The following LONRF3 variants were observed in gnomAD, a reference collection of about 807,000 sequenced individuals.
LONRF3 encodes LON peptidase N-terminal domain and RING finger protein 3.
Under a neutral mutation model 51.7 loss-of-function variants are expected in LONRF3, and 19 were observed. The observed-to-expected ratio is 0.37, with a 90% confidence interval of 0.26 to 0.54. LONRF3 has a LOEUF of 0.54. LONRF3 is among the 20% of genes least tolerant of loss of function. LONRF3 has a pLI of 0.86. For synonymous variants in LONRF3, 265 were observed against 257.8 expected (o/e 1.03, Z -0.27); for missense variants, 521 against 623.9 (o/e 0.84, Z 1.76).
chrX:119,001,706 C>A (rs919901799), intron 5 of LONRF3, among the ~76,000 whole-genome samples: 8 of 112,384 alleles, frequency 7.1e-5, no homozygotes, highest in South Asian at 7.3e-4. Flanking sequence ...TGTTTGCTAC[C>A]ACTCAGTCAG....
In LONRF3 at chrX:118,992,092, C is replaced by T. The variant is rs551964540; in HGVS notation, c.1415+1532C>T. 7.1e-5 allele frequency among the ~76,000 whole-genome samples: 8 copies of T among 111,990 alleles called. No homozygotes were observed. The South Asian group carries it at 2.3e-3, about 32-fold the overall frequency. ...TGAGATATTTGCACAAAAATTAAGA[C>T]GGTTGGCAGGCTGCTGTTCGTTGTG... is the stretch of plus-strand genomic sequence containing the variant. On this transcript the variant is annotated intron_variant, in intron 5 of 10. Transcript: ENST00000371628.
At chrX:119,011,758 T>TA (rs1925123225) in intron 7 of LONRF3, 57 bp from the exon 8 acceptor site, 13 of 1,146,677 alleles carry the variant, frequency 1.1e-5, no homozygotes, top group South Asian at 9.6e-5. Flanking sequence ...ATTTGACCAA[T>TA]ATTTTTGTGT....
At chrX:118,988,799 CT>C (rs67313203) in intron 3 of LONRF3, among the ~76,000 whole-genome samples, 20,538 of 90,956 alleles carry the variant, frequency 0.23, 1,701 homozygotes, top group African/African-American at 0.24. Flanking sequence ...GTGATTTTGT[CT>C]TTTTTTTTTT....
chrX:118,982,640 G>A (rs1213175347), intron 2 of LONRF3, among the ~76,000 whole-genome samples, 181 bp from the exon 3 acceptor site: 2 of 111,876 alleles, frequency 1.8e-5, no homozygotes, highest in Admixed American at 1.9e-4. Context: ...AACGTTTTTG[G>A]GTTTCAGTTT....
Position 118,974,741 on chromosome X carries a change from G to C in LONRF3, c.-40G>C, listed in dbSNP as rs766323161. ...CTGCCACTCCTTGCTTCGTGTCCCC[G>C]GTCCCTAGACGCCTCGTCTCCTCCC... On this transcript the variant is annotated 5_prime_UTR_variant, in exon 1 of 11. Transcript: ENST00000371628. 2 of 1,087,765 alleles carry C rather than the reference G, an allele frequency of 1.8e-6. No homozygotes were observed. The highest frequency in any genetic ancestry group is 2.5e-6 in the Non-Finnish European group (2 of 816,064). 89.6% of individuals were successfully genotyped at this position (1,087,765 alleles called of 1,213,427 possible). A position where few individuals can be genotyped will look rare whatever the true frequency, so the allele number is the denominator to read the frequency against.
intron 5 of LONRF3, among the ~76,000 whole-genome samples, chrX:118,994,392 A>G (rs1603251118): frequency 1.0e-5 from 1 of 96,549 alleles, no homozygotes; most frequent in Admixed American, 1.1e-4. Context: ...AGCTATTTTT[A>G]TATCAGACAA....
At chrX:118,987,248 T>G (rs1923044703) in intron 3 of LONRF3, among the ~76,000 whole-genome samples, 2 of 110,083 alleles carry the variant, frequency 1.8e-5, no homozygotes, top group Non-Finnish European at 3.8e-5. Flanking sequence ...CAACTGTGAA[T>G]TTCAGGCATG....
intron 3 of LONRF3, among the ~76,000 whole-genome samples, chrX:118,983,309 G>A (rs1388342040): frequency 9.0e-6 from 1 of 111,625 alleles, no homozygotes; most frequent in Non-Finnish European, 1.9e-5. Context: ...AGGGCATGGG[G>A]CTACCTGCTG....
chrX:118,988,428 A>G (rs755324520), intron 3 of LONRF3, among the ~76,000 whole-genome samples: 7 of 111,958 alleles, frequency 6.3e-5, no homozygotes, highest in Non-Finnish European at 1.3e-4. Flanking sequence ...TGAGTGGCCA[A>G]TGCCTTGGGT....
intron 5 of LONRF3, among the ~76,000 whole-genome samples, chrX:118,991,924 G>A (rs958529035): frequency 7.2e-5 from 8 of 111,776 alleles, no homozygotes; most frequent in African/African-American, 2.3e-4. Flanking sequence ...GGACCTCTGA[G>A]GATGTTCTAT....
In LONRF3 at chrX:118,978,446, C is replaced by A. The variant is rs779776902; in HGVS notation, c.919C>A (p.Arg307Ser). The A allele has an allele frequency of 6.7e-6, 8 of 1,190,252 alleles. No individual in the cohort carries two copies. The Admixed American group carries it at 1.5e-4, about 23-fold the overall frequency. Residue 307 changes from arginine to serine, a missense_variant, in exon 2 of 11, where the codon CGC becomes AGC. Arg to Ser is a moderately radical substitution (Grantham distance 110). Transcript: ENST00000371628. ...TGATGCAGAAATAGCATGTAAGCTC[C>A]GCCCGATGGGTTTTAAGGTGAGTGT... ...LHDAEIACKL[R>S]PMGFKAHFRK...
At chrX:119,006,753 T>A (rs1924756706) in intron 6 of LONRF3, among the ~76,000 whole-genome samples, 2 of 110,445 alleles carry the variant, frequency 1.8e-5, no homozygotes, top group Non-Finnish European at 3.8e-5. Flanking sequence ...CACGCCTGGC[T>A]AATTTTTTGT....
At chrX:118,976,142 G>A (rs955930195) in intron 1 of LONRF3, among the ~76,000 whole-genome samples, 2 of 113,153 alleles carry the variant, frequency 1.8e-5, no homozygotes, top group East Asian at 5.7e-4. Flanking sequence ...CGCTCGCGCC[G>A]CCGGGTGTTG....
At chrX:119,006,558 G>A (rs1391741067) in intron 6 of LONRF3, among the ~76,000 whole-genome samples, 1 of 89,427 alleles carries the variant, frequency 1.1e-5, no homozygotes, top group East Asian at 3.4e-4. Context: ...ATGCCACCAC[G>A]CTCGGCTAAT....
At chrX:119,003,057 C>G (rs1177869811) in intron 5 of LONRF3, among the ~76,000 whole-genome samples, 2 of 111,454 alleles carry the variant, frequency 1.8e-5, no homozygotes, top group Non-Finnish European at 3.8e-5. Flanking sequence ...GCTGGGGTTA[C>G]AGGTGTGAGC....
rs185239172 is a variant in LONRF3 at position 118,999,334 on chromosome X, C to G, written c.1416-6787C>G. On this transcript the variant is annotated intron_variant, in intron 5 of 10. Coordinates refer to ENST00000371628, the MANE Select transcript of LONRF3 (RefSeq NM_001031855.3). The stretch of plus-strand genomic sequence containing the variant: ...GTTCCTTTCACTACTTCCCTCACCC[C>G]CTCATGATAGAATGGCAGGTGGGTT... Among the ~76,000 whole-genome samples, 243 of 111,617 alleles carry G rather than the reference C, an allele frequency of 2.2e-3. 5 individuals are homozygous for G. The highest frequency in any genetic ancestry group is 0.017 in the Admixed American group (178 of 10,552).
rs745443495 is a variant in LONRF3 at position 118,982,938 on chromosome X, C to T, written c.1054C>T (p.Gln352Ter). ...GKNKRARCEAQRDNLELPHCS... is the reference protein window; with the variant it reads ...GKNKRARCEA The stretch of plus-strand genomic sequence containing the variant: ...GAACAAGAGAGCAAGATGTGAAGCC[C>T]AAAGAGTGAGTTGAAATGACATCAG... Residue 352 changes from glutamine (Q) to a stop codon, truncating the protein, a stop_gained, in exon 3 of 11, where the codon CAA becomes TAA. Coordinates refer to ENST00000371628, the MANE Select transcript of LONRF3 (RefSeq NM_001031855.3). LOFTEE classifies it high-confidence loss of function. 3.3e-6 allele frequency: 4 copies of T among 1,208,955 alleles called. No individual in the cohort carries two copies. Among genetic ancestry groups the T allele is most frequent in the Non-Finnish European group, 4.5e-6 (4 of 893,922 alleles).
At chrX:118,995,378 A>C (rs180790153) in intron 5 of LONRF3, among the ~76,000 whole-genome samples, 40 of 112,109 alleles carry the variant, frequency 3.6e-4, no homozygotes, top group African/African-American at 1.2e-3. Flanking sequence ...GAGCACCTAC[A>C]TCAAAAAGTC....
In LONRF3 at chrX:119,016,274, G is replaced by C. The variant is rs191335120; in HGVS notation, c.2125-1261G>C. Among the ~76,000 whole-genome samples, 289 of 111,157 alleles carry C rather than the reference G, an allele frequency of 2.6e-3. 6 individuals are homozygous for C. The highest frequency in any genetic ancestry group is 0.019 in the Admixed American group (196 of 10,479). On this transcript the variant is annotated intron_variant, in intron 10 of 10. Transcript: ENST00000371628. ...GTGCCAGGGAAGCTGCTTTGGGGAAGGATTTATGTGGAATGGGAAAGCTCT... is the reference window on the plus strand; with the variant it reads ...GTGCCAGGGAAGCTGCTTTGGGGAACGATTTATGTGGAATGGGAAAGCTCT...
Sources: gnomAD v4.1 joint callset for allele counts (sites outside exome capture counted in the v4.1 genomes callset) on GRCh38, gnomAD v4.1.1 for gene constraint, MANE v1.5 for transcripts, NCBI Gene and HGNC (gene_info 2026-07-23, HGNC 2026-07-21) for gene names.